ARID5B: variants seen among roughly 807,000 people sequenced by gnomAD.
ARID5B encodes AT-rich interaction domain 5B.
In ARID5B, 13 loss-of-function variants were observed where a neutral mutation model predicts 97.2. That is an observed-to-expected ratio of 0.13 (90% CI 0.09 to 0.21). ARID5B has a LOEUF of 0.21. Ranked by LOEUF, ARID5B falls within the 10% of genes least tolerant of loss-of-function variation. The pLI is 1.00. For synonymous variants in ARID5B, 556 were observed against 570.3 expected (o/e 0.97, Z 0.36); for missense variants, 1,210 against 1,465.3 (o/e 0.83, Z 2.84).
intron 3 of ARID5B, among the ~76,000 whole-genome samples, chr10:61,994,609 C>T (rs1482270095): frequency 1.3e-5 from 2 of 152,124 alleles, no homozygotes; most frequent in African/African-American, 4.8e-5. Flanking sequence ...CCTTTCTCCC[C>T]GACTCCTTCC....
At chr10:62,065,404 T>C (rs7915732) in intron 7 of ARID5B, among the ~76,000 whole-genome samples, 138,243 of 152,210 alleles carry the variant, frequency 0.91, 63,637 homozygotes, top group East Asian at 1. Flanking sequence ...TTCCTTTCAC[T>C]TCCATATCTC....
chr10:62,083,312 T>TG (rs1840239569), intron 8 of ARID5B, among the ~76,000 whole-genome samples: 1 of 58,262 alleles, frequency 1.7e-5, no homozygotes, highest in African/African-American at 6.0e-5. Context: ...AAAGAAAAAA[T>TG]GAAAAAAAAA....
chr10:62,049,919 A>C (rs192858890), intron 4 of ARID5B, among the ~76,000 whole-genome samples: 3 of 152,324 alleles, frequency 2.0e-5, no homozygotes, highest in African/African-American at 7.2e-5. Flanking sequence ...GAAATTGTTT[A>C]GGGTATAATT....
Position 62,021,163 on chromosome 10 carries a change from G to A in ARID5B, c.733+20842G>A, listed in dbSNP as rs1027421384. Among the ~76,000 whole-genome samples, 3 of 151,446 alleles carry A rather than the reference G, an allele frequency of 2.0e-5. No individual in the cohort carries two copies. The East Asian group carries it at 5.8e-4, about 29-fold the overall frequency. On this transcript the variant is annotated intron_variant, in intron 4 of 9. Coordinates refer to ENST00000279873, the MANE Select transcript of ARID5B (RefSeq NM_032199.3). ...AGACTGCATTTACATAGAGCTCAGT[G>A]CCAAGTCCCACAAATACTCACTCTG...
chr10:62,038,868 C>G (rs1308942735), intron 4 of ARID5B, among the ~76,000 whole-genome samples: 1 of 152,158 alleles, frequency 6.6e-6, no homozygotes, highest in East Asian at 1.9e-4. Flanking sequence ...TTTCAGCTAA[C>G]AAAGCTAGAA....
chr10:62,043,735 C>A (rs1016140550), intron 4 of ARID5B, among the ~76,000 whole-genome samples: 6 of 152,306 alleles, frequency 3.9e-5, no homozygotes, highest in African/African-American at 1.2e-4. Context: ...AATAGCTATG[C>A]AAATCACATG....
chr10:62,057,433 CTG>C lies in ARID5B; in HGVS notation c.1048+117_1048+118del, dbSNP rs1241044415. On this transcript the variant is annotated intron_variant, in intron 6 of 9. Coordinates refer to ENST00000279873, the MANE Select transcript of ARID5B (RefSeq NM_032199.3). ...AATCCTAATCTGGGGATAGTGCTCTCTGTTTATACTAAATCCATAAATGTTCC... is the reference window on the plus strand; with the variant it reads ...AATCCTAATCTGGGGATAGTGCTCTCTTTATACTAAATCCATAAATGTTCC... The C allele has an allele frequency of 2.9e-6, 3 of 1,034,018 alleles. No homozygotes were observed. In the East Asian group the frequency reaches 7.6e-5, roughly 26 times the overall value. 64.1% of individuals were successfully genotyped at this position (1,034,018 alleles called of 1,614,324 possible).
chr10:62,050,776 T>C, intron 4 of ARID5B, 112 bp from the exon 5 acceptor site: 1 of 877,892 alleles, frequency 1.1e-6, no homozygotes, highest in Non-Finnish European at 1.8e-6. Context: ...GCCACAGATC[T>C]GTACATTTCT....
At chr10:62,087,320 G>GAAAAAAAAAA (rs1589292422) in intron 9 of ARID5B, among the ~76,000 whole-genome samples, 17 of 75,996 alleles carry the variant, frequency 2.2e-4, no homozygotes, top group Admixed American at 4.1e-4. Context: ...AAAAAAAAAG[G>GAAAAAAAAAA]AAAAAAGATC....
At chr10:61,905,335 C>A (rs978218958) in intron 2 of ARID5B, among the ~76,000 whole-genome samples, 1 of 151,824 alleles carries the variant, frequency 6.6e-6, no homozygotes, top group African/African-American at 2.4e-5. Flanking sequence ...ATCATTCTGC[C>A]TTTTTATGAT....
At chr10:61,952,313 A>G (rs1375865292) in intron 3 of ARID5B, among the ~76,000 whole-genome samples, 1 of 152,204 alleles carries the variant, frequency 6.6e-6, no homozygotes, top group African/African-American at 2.4e-5. Flanking sequence ...AAGCCTCTGA[A>G]GCCCTTCTCA....
intron 3 of ARID5B, among the ~76,000 whole-genome samples, chr10:61,967,862 G>C: frequency 6.6e-6 from 1 of 152,010 alleles, no homozygotes; most frequent in East Asian, 1.9e-4. Flanking sequence ...AGTTGTCCAG[G>C]CCCATGGAAC....
intron 7 of ARID5B, among the ~76,000 whole-genome samples, chr10:62,065,845 CAAAAAAAAAA>C (rs60296263): frequency 1.1e-5 from 1 of 88,668 alleles, no homozygotes; most frequent in South Asian, 4.4e-4. Flanking sequence ...GACTCTGTCT[CAAAAAAAAAA>C]AAAAAAAAAA....
intron 3 of ARID5B, among the ~76,000 whole-genome samples, chr10:61,954,961 G>A (rs138677751): frequency 0.043 from 6,499 of 151,488 alleles, 204 homozygotes; most frequent in East Asian, 0.13. Flanking sequence ...AGCCAAGATC[G>A]CGCCATTGCA....
chr10:61,958,527 T>C (rs564166895), intron 3 of ARID5B, among the ~76,000 whole-genome samples: 1 of 152,150 alleles, frequency 6.6e-6, no homozygotes, highest in Non-Finnish European at 1.5e-5. Flanking sequence ...CGCCCGGCCG[T>C]GACCTCTTTT....
rs186635549 is a variant in ARID5B, at chr10:62,066,090, G to A, written c.1102-3610G>A. Among the ~76,000 whole-genome samples, 27 of 152,234 alleles carry A rather than the reference G, an allele frequency of 1.8e-4. No individual in the cohort carries two copies. In the East Asian group the frequency reaches 4.2e-3, roughly 24 times the overall value. On this transcript the variant is annotated intron_variant, in intron 7 of 9. Coordinates refer to ENST00000279873, the MANE Select transcript of ARID5B (RefSeq NM_032199.3). ...TGGAATTTTAAAGCTTACCCACATC[G>A]AGAGAGGACATTGGACAACAGAATA... is the stretch of plus-strand genomic sequence containing the variant.
In ARID5B at chr10:62,013,815, T is replaced by TATATATAC. The variant is rs915920250; in HGVS notation, c.733+13495_733+13496insTATATACA. ...TTGGGTATATATATATATATATATATACCACATTTTCTCTTTTAATTTTTA... is the reference window on the plus strand; with the variant it reads ...TTGGGTATATATATATATATATATATATATATACACCACATTTTCTCTTTTAATTTTTA... On this transcript the variant is annotated intron_variant, in intron 4 of 9. Coordinates refer to ENST00000279873, the MANE Select transcript of ARID5B (RefSeq NM_032199.3). Among the ~76,000 whole-genome samples, 294 of 147,410 alleles carry TATATATAC rather than the reference T, an allele frequency of 2.0e-3. 4 individuals carry two copies. Among genetic ancestry groups the TATATATAC allele is most frequent in the Admixed American group, 0.018 (254 of 13,980 alleles).
intron 3 of ARID5B, among the ~76,000 whole-genome samples, chr10:61,970,400 A>T (rs1207432482): frequency 6.6e-6 from 1 of 152,242 alleles, no homozygotes; most frequent in East Asian, 1.9e-4. Flanking sequence ...TCCAGTTAAA[A>T]CAAGGTTGAC....
At chr10:62,079,689 A>G (rs1840185607) in intron 8 of ARID5B, among the ~76,000 whole-genome samples, 1 of 152,132 alleles carries the variant, frequency 6.6e-6, no homozygotes, top group Non-Finnish European at 1.5e-5. Flanking sequence ...CTCTTCATTT[A>G]GGGTCACACA....
Sources: gnomAD v4.1 joint callset for allele counts (sites outside exome capture counted in the v4.1 genomes callset) on GRCh38, gnomAD v4.1.1 for gene constraint, MANE v1.5 for transcripts, NCBI Gene and HGNC (gene_info 2026-07-23, HGNC 2026-07-21) for gene names.